SASH1: variants seen among roughly 807,000 people sequenced by gnomAD.
SASH1 encodes SAM and SH3 domain-containing protein 1.
In SASH1, 44 loss-of-function variants were observed where a neutral mutation model predicts 125.2. That is an observed-to-expected ratio of 0.35 (90% CI 0.28 to 0.45). The LOEUF is 0.45. Ranked by LOEUF, SASH1 falls within the 20% of genes least tolerant of loss-of-function variation. SASH1 has a pLI of 1.00. For missense variants in SASH1, 1,426 were observed against 1,614.5 expected, an observed-to-expected ratio of 0.88 and a Z score of 2.00; for synonymous variants, 639 against 649.1, an observed-to-expected ratio of 0.98 and a Z score of 0.24.
At chr6:148,520,692 T>G (rs1168722328) in intron 10 of SASH1, among the ~76,000 whole-genome samples, 2 of 152,140 alleles carry the variant, frequency 1.3e-5, no homozygotes, top group African/African-American at 2.4e-5. Context: ...AGTGGCTGTC[T>G]TGATTCTCGG....
intron 2 of SASH1, among the ~76,000 whole-genome samples, chr6:148,394,811 A>G (rs1298657341): frequency 6.6e-6 from 1 of 151,942 alleles, no homozygotes; most frequent in Non-Finnish European, 1.5e-5. Flanking sequence ...CTCCCGGCTA[A>G]TTTTTTGTAT....
intron 1 of SASH1, among the ~76,000 whole-genome samples, chr6:148,291,907 T>C (rs1042597236): frequency 6.6e-6 from 1 of 152,108 alleles, no homozygotes; most frequent in Non-Finnish European, 1.5e-5. Context: ...AAATCCAGAC[T>C]TGGAAAAGAA....
At chr6:148,212,492 T>A in the SASH1 span, among the ~76,000 whole-genome samples, 1 of 152,192 alleles carries the variant, frequency 6.6e-6, no homozygotes, top group Non-Finnish European at 1.5e-5. Flanking sequence ...TGAACATTTT[T>A]AGTGGCAAAA....
intron 1 of SASH1, among the ~76,000 whole-genome samples, chr6:148,372,211 T>C (rs1782729953): frequency 6.6e-6 from 1 of 152,220 alleles, no homozygotes; most frequent in Non-Finnish European, 1.5e-5. Flanking sequence ...TAGAGCTAGT[T>C]CTTTATAAGG....
At chr6:148,326,940 T>C (rs565493823) in intron 1 of SASH1, among the ~76,000 whole-genome samples, 5 of 152,176 alleles carry the variant, frequency 3.3e-5, no homozygotes, top group Admixed American at 3.3e-4. Context: ...GACTTTACAA[T>C]CTTTAACATC....
At chr6:148,443,302 C>T (rs1179912122) in intron 4 of SASH1, among the ~76,000 whole-genome samples, 3 of 150,668 alleles carry the variant, frequency 2.0e-5, no homozygotes, top group Non-Finnish European at 3.0e-5. Context: ...TGTTTTTTTG[C>T]GCCACAGTGC....
intron 9 of SASH1, among the ~76,000 whole-genome samples, chr6:148,516,967 A>AAT (rs1402964512): frequency 6.6e-6 from 1 of 152,118 alleles, no homozygotes; most frequent in Non-Finnish European, 1.5e-5. Context: ...AACCCTGGCC[A>AAT]ATCTTTAACC....
rs1014684149 is a variant in SASH1, at chr6:148,345,477, G to A, written c.156+2254G>A. ...TCCCAGACAGGTTGTGTTTGCTCAT[G>A]TTTTCCTCTTGTTTATCTGGGGTAA... On this transcript the variant is annotated intron_variant, in intron 1 of 19. Transcript: ENST00000367467. Among the ~76,000 whole-genome samples the A allele has an allele frequency of 2.0e-5, 3 of 152,174 alleles. No homozygotes were observed. In the East Asian group the frequency reaches 5.8e-4, roughly 29 times the overall value.
rs142620816 is a variant in SASH1 at position 148,322,865 on chromosome 6, A to ATCTT, written n.74+50506_74+50509dup. 7.8e-4 allele frequency among the ~76,000 whole-genome samples: 112 copies of ATCTT among 143,256 alleles called. 3 individuals carry two copies. The Middle Eastern group carries it at 0.028, about 36-fold the overall frequency. 94.0% of individuals were successfully genotyped at this position (143,256 alleles called of 152,430 possible). ...TCATCCGTGACCACCCATCCAAATC[A>ATCTT]TCTTTCTTTCTTTCTTTCTTTTTCT... On this transcript the variant is annotated intron_variant and non_coding_transcript_variant, in intron 1 of 3. Coordinates refer to the SASH1 transcript ENST00000367469.
At chr6:148,254,121 C>G in the SASH1 span, among the ~76,000 whole-genome samples, 5 of 151,096 alleles carry the variant, frequency 3.3e-5, no homozygotes, top group African/African-American at 1.2e-4. Flanking sequence ...GCACAAGAAT[C>G]GCTTGAACCT....
intron 1 of SASH1, among the ~76,000 whole-genome samples, chr6:148,350,096 C>T (rs1027569742): frequency 3.3e-5 from 5 of 152,176 alleles, no homozygotes; most frequent in South Asian, 4.1e-4. Context: ...CCACTCACCT[C>T]GGCCTCCCAA....
intron 10 of SASH1, among the ~76,000 whole-genome samples, chr6:148,522,384 T>C (rs1217210941): frequency 6.6e-6 from 1 of 152,258 alleles, no homozygotes; most frequent in Admixed American, 6.5e-5. Context: ...CTTTGCTAGA[T>C]TTATTTAAAA....
At chr6:148,326,553 C>T (rs761372045) in intron 1 of SASH1, among the ~76,000 whole-genome samples, 16 of 149,184 alleles carry the variant, frequency 1.1e-4, no homozygotes, top group Admixed American at 3.4e-4. Context: ...TACAGCCACG[C>T]GCCACCGTGG....
At chr6:148,481,331 C>T (rs1325072422) in intron 7 of SASH1, among the ~76,000 whole-genome samples, 1 of 152,150 alleles carries the variant, frequency 6.6e-6, no homozygotes, top group East Asian at 1.9e-4. Flanking sequence ...TCCATGTCAG[C>T]AATAAGGCTG....
chr6:148,383,871 C>A lies in SASH1; in HGVS notation c.157-6263C>A, dbSNP rs1425417745. Among the ~76,000 whole-genome samples the A allele has an allele frequency of 3.3e-5, 5 of 152,142 alleles. No individual in the cohort carries two copies. In the East Asian group the frequency reaches 9.6e-4, roughly 29 times the overall value. Reference sequence around the variant, plus strand: ...TTTTCTCCTTAATTGCAACAGCAGTCCACCCAATCTGAACTGCTCGGTACA... The same window carrying A: ...TTTTCTCCTTAATTGCAACAGCAGTACACCCAATCTGAACTGCTCGGTACA... On this transcript the variant is annotated intron_variant, in intron 1 of 19. Coordinates refer to ENST00000367467, the MANE Select transcript of SASH1 (RefSeq NM_015278.5).
At chr6:148,524,115 A>AT (rs1379430620) in intron 10 of SASH1, among the ~76,000 whole-genome samples, 732 of 52,696 alleles carry the variant, frequency 0.014, 10 homozygotes, top group African/African-American at 0.041. Flanking sequence ...ATATATATAT[A>AT]TATATATTTT....
chr6:148,485,442 C>G (rs1778798821), intron 7 of SASH1, among the ~76,000 whole-genome samples: 1 of 152,134 alleles, frequency 6.6e-6, no homozygotes, highest in African/African-American at 2.4e-5. Flanking sequence ...TTTCTTTTCT[C>G]TGAAAGCACA....
rs920940835 is a variant in SASH1 at position 148,390,071 on chromosome 6, C to T, written c.157-63C>T. ...TATTAACTCTGCGTAGAGGGAGGTC[C>T]GATGGCTGTGGGCTTTTCCAGGGTG... On this transcript the variant is annotated intron_variant, in intron 1 of 19. Transcript: ENST00000367467. 16 of 1,592,366 alleles carry T rather than the reference C, an allele frequency of 1.0e-5. 1 individual carries two copies. The highest frequency in any genetic ancestry group is 1.7e-4 in the Middle Eastern group (1 of 5,924).
the SASH1 span, among the ~76,000 whole-genome samples, chr6:148,222,777 G>A: frequency 1.9e-5 from 2 of 106,768 alleles, no homozygotes; most frequent in East Asian, 3.6e-4. Flanking sequence ...CTTCCCCTTC[G>A]ATCTCTCTCT....
Sources: allele counts gnomAD v4.1 joint callset (sites outside exome capture counted in the v4.1 genomes callset), GRCh38; gene constraint gnomAD v4.1.1; transcripts MANE v1.5; gene names NCBI Gene and HGNC (gene_info 2026-07-23, HGNC 2026-07-21).